The following UBE2G1 variants were observed in gnomAD, a reference collection of about 807,000 sequenced individuals.
UBE2G1 encodes the protein ubiquitin-conjugating enzyme E2 G1.
A neutral mutation model predicts 22.7 loss-of-function variants in UBE2G1; 5 were observed. The observed-to-expected ratio is 0.22, with a 90% CI of 0.12 to 0.46. UBE2G1 has a LOEUF of 0.46. Among genes scored for constraint, UBE2G1 ranks in the 20% least tolerant of loss-of-function variants. The probability of loss-of-function intolerance (pLI) is 0.99; values close to 1 mark genes in which losing one functional copy is unlikely to be tolerated. For missense variants in UBE2G1, 88 were observed against 203.9 expected (o/e 0.43, Z 3.46); for synonymous variants, 74 against 67.5 (o/e 1.10, Z -0.47).
At chr17:4,362,850 T>C (rs552876399) in intron 1 of UBE2G1, among the ~76,000 whole-genome samples, 15 of 152,206 alleles carry the variant, frequency 9.9e-5, no homozygotes, top group South Asian at 2.1e-4. Flanking sequence ...TGAAAGGTGG[T>C]GGTGGCTCAC....
chr17:4,280,813 T>G (rs556834134), intron 5 of UBE2G1, among the ~76,000 whole-genome samples: 1 of 152,068 alleles, frequency 6.6e-6, no homozygotes, highest in East Asian at 1.9e-4. Context: ...TTTTATATTT[T>G]TAGTAGAGAT....
intron 4 of UBE2G1, among the ~76,000 whole-genome samples, chr17:4,284,932 A>G (rs1968944879): frequency 6.9e-6 from 1 of 144,084 alleles, no homozygotes; most frequent in African/African-American, 2.6e-5. Flanking sequence ...AGGCTTGAAC[A>G]CCTGGGCTCA....
intron 1 of UBE2G1, among the ~76,000 whole-genome samples, chr17:4,359,869 AAAC>A (rs1327689784): frequency 9.9e-5 from 14 of 141,724 alleles, no homozygotes; most frequent in African/African-American, 3.6e-4. Flanking sequence ...AAAAAAAAAC[AAAC>A]AAAAAAAAAC....
intron 3 of UBE2G1, among the ~76,000 whole-genome samples, chr17:4,293,262 T>C (rs1346438596): frequency 6.6e-6 from 1 of 152,234 alleles, no homozygotes; most frequent in Non-Finnish European, 1.5e-5. Flanking sequence ...ACTGACTTTG[T>C]TCACTTAATA....
At chr17:4,309,476 A>G (rs757869567) in intron 1 of UBE2G1, among the ~76,000 whole-genome samples, 1 of 152,278 alleles carries the variant, frequency 6.6e-6, no homozygotes, top group Non-Finnish European at 1.5e-5. Context: ...GTGCAAACAC[A>G]TTAAGAAGGG....
intron 1 of UBE2G1, among the ~76,000 whole-genome samples, chr17:4,325,293 C>T (rs1261310299): frequency 5.9e-5 from 9 of 152,152 alleles, no homozygotes; most frequent in East Asian, 1.9e-4. Flanking sequence ...TGGGTGATGA[C>T]GTGTCAATGT....
In UBE2G1 at chr17:4,329,243, C is replaced by CA. The variant is rs535668604; in HGVS notation, c.47-22121dup. 4.6e-5 allele frequency among the ~76,000 whole-genome samples: 7 copies of CA among 151,402 alleles called. No homozygotes were observed. In the South Asian group the frequency reaches 1.5e-3, roughly 31 times the overall value. ...GTGAAACCCCGTCTCTACAAAAATA[C>CA]AAAAAATGAGTCAGGCGTGGTGGAG... On this transcript the variant is annotated intron_variant, in intron 1 of 5. Coordinates refer to ENST00000396981, the MANE Select transcript of UBE2G1 (RefSeq NM_003342.5).
intron 1 of UBE2G1, among the ~76,000 whole-genome samples, chr17:4,352,280 A>AG (rs1969854142): frequency 1.3e-5 from 2 of 152,142 alleles, no homozygotes; most frequent in Non-Finnish European, 2.9e-5. Context: ...ACCAGGCTGG[A>AG]GGGCAGTGAT....
chr17:4,319,080 G>A (rs1444746237), intron 1 of UBE2G1, among the ~76,000 whole-genome samples: 4 of 152,120 alleles, frequency 2.6e-5, no homozygotes, highest in Non-Finnish European at 5.9e-5. Flanking sequence ...TATTTTTAAA[G>A]AGTAAAGATA....
At chr17:4,286,766 G>A (rs1233836738) in intron 4 of UBE2G1, among the ~76,000 whole-genome samples, 1 of 152,156 alleles carries the variant, frequency 6.6e-6, no homozygotes, top group African/African-American at 2.4e-5. Context: ...AAAGGGCCAG[G>A]TGCAGTAGCT....
intron 1 of UBE2G1, among the ~76,000 whole-genome samples, chr17:4,351,790 C>T (rs1441772195): frequency 2.0e-5 from 3 of 152,124 alleles, no homozygotes; most frequent in South Asian, 4.2e-4. Flanking sequence ...AGGAAGACCT[C>T]GGAATAACAC....
intron 1 of UBE2G1, among the ~76,000 whole-genome samples, chr17:4,315,394 A>G (rs762672724): frequency 7.9e-5 from 12 of 152,336 alleles, no homozygotes; most frequent in South Asian, 4.1e-4. Flanking sequence ...AATTCTCAGA[A>G]TAACATTCCA....
Position 4,296,775 on chromosome 17 carries a change from T to C in UBE2G1, c.189A>G (p.Lys63=), listed in dbSNP as rs776842707. ...TTTTAGGAGGTCGGAGGGGATAATCTTTTGGGAAAGTAAGATGAGCCTTAA... is the reference window on the plus strand; with the variant it reads ...TTTTAGGAGGTCGGAGGGGATAATCCTTTGGGAAAGTAAGATGAGCCTTAA... ...GVFKAHLTFP[K]DYPLRPPKMK... The change falls in exon 3 of 6, where the codon AAA becomes AAG. Residue 63 remains lysine (K), a synonymous_variant. Transcript: ENST00000396981. 1.2e-6 allele frequency: 2 copies of C among 1,614,064 alleles called. No individual in the cohort carries two copies. The highest frequency in any genetic ancestry group is 3.3e-5 in the Admixed American group (2 of 60,020).
intron 3 of UBE2G1, among the ~76,000 whole-genome samples, chr17:4,296,233 T>C (rs1969110036): frequency 6.6e-6 from 1 of 151,926 alleles, no homozygotes; most frequent in African/African-American, 2.4e-5. Context: ...AGTAAATAAA[T>C]AAAAAATAAC....
chr17:4,307,198 A>C lies in UBE2G1; in HGVS notation c.47-75T>G, dbSNP rs541730829. 108 of 1,261,068 alleles carry C rather than the reference A, an allele frequency of 8.6e-5. No homozygotes were observed. The East Asian group carries it at 2.0e-3, about 23-fold the overall frequency. 78.1% of individuals were successfully genotyped at this position (1,261,068 alleles called of 1,614,324 possible). ...TCCAGTAGATAAATTACAGAACTTG[A>C]GCGTACATGTTTTATGTAAGTTTTA... On this transcript the variant is annotated intron_variant, in intron 1 of 5. Coordinates refer to ENST00000396981, the MANE Select transcript of UBE2G1 (RefSeq NM_003342.5).
intron 1 of UBE2G1, among the ~76,000 whole-genome samples, chr17:4,330,612 C>T (rs62064454): frequency 0.027 from 4,162 of 151,946 alleles, 89 homozygotes; most frequent in Non-Finnish European, 0.043. Context: ...TGGCACATGC[C>T]TGTAATCCCA....
intron 1 of UBE2G1, among the ~76,000 whole-genome samples, chr17:4,320,088 T>A (rs1294767662): frequency 5.3e-5 from 8 of 152,156 alleles, no homozygotes; most frequent in Admixed American, 3.9e-4. Flanking sequence ...TATATAAATT[T>A]ACATTGTCAG....
At chr17:4,337,516 G>A (rs552254833) in intron 1 of UBE2G1, among the ~76,000 whole-genome samples, 8 of 151,580 alleles carry the variant, frequency 5.3e-5, no homozygotes, top group Non-Finnish European at 7.4e-5. Flanking sequence ...AGCCAGGTGC[G>A]GTGGCGCATG....
chr17:4,292,244 T>C (rs1011832842), intron 3 of UBE2G1, among the ~76,000 whole-genome samples: 1 of 149,280 alleles, frequency 6.7e-6, no homozygotes, highest in Non-Finnish European at 1.5e-5. Flanking sequence ...GTGAATTGCT[T>C]GAACCTGGGA....
Sources: gnomAD v4.1 joint callset for allele counts (sites outside exome capture counted in the v4.1 genomes callset) on GRCh38, gnomAD v4.1.1 for gene constraint, MANE v1.5 for transcripts, NCBI Gene and HGNC (gene_info 2026-07-23, HGNC 2026-07-21) for gene names.